The following PCNX1 variants were observed in gnomAD, a reference collection of about 807,000 sequenced individuals.
PCNX1 encodes the protein pecanex 1.
A neutral mutation model predicts 242.2 loss-of-function variants in PCNX1; 78 were observed. That is an observed-to-expected ratio of 0.32 (90% confidence interval 0.27 to 0.39). The LOEUF (loss-of-function observed/expected upper bound fraction) is 0.39, where lower values mean the gene tolerates loss of function less well. Among genes scored for constraint, PCNX1 ranks in the 10% least tolerant of loss-of-function variants. PCNX1 has a pLI of 1.00. For missense variants in PCNX1, 2,581 were observed against 2,856.5 expected, an observed-to-expected ratio of 0.90 and a Z score of 2.20; for synonymous variants, 1,024 against 1,032.9, an observed-to-expected ratio of 0.99 and a Z score of 0.17.
Position 71,026,796 on chromosome 14 carries a change from T to A in PCNX1, c.3380T>A (p.Val1127Glu), listed in dbSNP as rs775223022. ...VIVFTLCFPI[V>E]FFIGLLPQVN... ...GTGTTTACACTCTGTTTCCCAATAG[T>A]GTTTTTCATTGGTCTCCTGCCTCAG... Residue 1127 changes from valine (V) to glutamate (E), a missense_variant, in exon 15 of 36, where the codon GTG (valine) becomes GAG (glutamate). Val to Glu is a moderately radical substitution (Grantham distance 121). Around this residue, in one of 9 missense-constraint regions of PCNX1, gnomAD observed 432 missense variants for 443.1 expected, o/e 0.97. Coordinates refer to ENST00000304743, the MANE Select transcript of PCNX1 (RefSeq NM_014982.3). 2.6e-6 allele frequency: 4 copies of A among 1,521,010 alleles called. No homozygotes were observed. Among genetic ancestry groups the A allele is most frequent in the Non-Finnish European group, 2.7e-6 (3 of 1,097,010 alleles). 94.2% of individuals were successfully genotyped at this position (1,521,010 alleles called of 1,614,324 possible).
intron 3 of PCNX1, among the ~76,000 whole-genome samples, chr14:70,967,833 C>T (rs1395086197): frequency 6.6e-6 from 1 of 152,150 alleles, no homozygotes; most frequent in Admixed American, 6.5e-5. Context: ...TTCAGGTAGA[C>T]ATAAAGCCTG....
chr14:71,046,530 A>G (rs564383366), intron 20 of PCNX1, among the ~76,000 whole-genome samples: 15 of 152,186 alleles, frequency 9.9e-5, no homozygotes, highest in African/African-American at 3.4e-4. Flanking sequence ...CTTTTAGTTT[A>G]TCCTAGACAC....
At chr14:70,969,608 T>C (rs1457608723) in intron 5 of PCNX1, among the ~76,000 whole-genome samples, 1 of 152,174 alleles carries the variant, frequency 6.6e-6, no homozygotes, top group Admixed American at 6.5e-5. Context: ...TTTTTTGGAA[T>C]TACAGTACCC....
chr14:70,989,290 A>G (rs183375151), intron 7 of PCNX1, among the ~76,000 whole-genome samples: 2 of 151,636 alleles, frequency 1.3e-5, no homozygotes, highest in Admixed American at 6.6e-5. Context: ...ATATTTATAT[A>G]TATTTATTAA....
chr14:71,003,781 T>C (rs565256555), intron 8 of PCNX1, among the ~76,000 whole-genome samples: 2 of 152,360 alleles, frequency 1.3e-5, no homozygotes, highest in South Asian at 2.1e-4. Flanking sequence ...ATCTCACTTA[T>C]AGTTGCCAAG....
At chr14:70,968,393 G>A (rs544378745) in intron 4 of PCNX1, 150 bp downstream of exon 4, 148 of 548,646 alleles carry the variant, frequency 2.7e-4, no homozygotes, top group Non-Finnish European at 3.9e-4. Flanking sequence ...TTAAAGGTTG[G>A]TTGACTTAAA....
At chr14:71,067,571 A>AT (rs961962053) in intron 26 of PCNX1, among the ~76,000 whole-genome samples, 2 of 151,704 alleles carry the variant, frequency 1.3e-5, no homozygotes, top group Admixed American at 6.6e-5. Context: ...AGCTTCATTG[A>AT]TTTTTTTGAA....
At chr14:70,986,216 T>C (rs895989030) in intron 6 of PCNX1, among the ~76,000 whole-genome samples, 2 of 152,248 alleles carry the variant, frequency 1.3e-5, no homozygotes, top group African/African-American at 4.8e-5. Flanking sequence ...TGTGTGATAC[T>C]GTTAAAGCAG....
chr14:70,978,674 C>T, intron 6 of PCNX1, 26 bp downstream of exon 6: 1 of 1,565,210 alleles, frequency 6.4e-7, no homozygotes, highest in East Asian at 2.2e-5. Context: ...GAAGAGATTT[C>T]TGTAAGACTC....
intron 1 of PCNX1, among the ~76,000 whole-genome samples, chr14:70,908,883 T>TA (rs2139971507): frequency 6.6e-6 from 1 of 152,360 alleles, no homozygotes; most frequent in African/African-American, 2.4e-5. Flanking sequence ...TGAAAGTTGT[T>TA]AAGCGCAGTT....
intron 2 of PCNX1, among the ~76,000 whole-genome samples, chr14:70,952,752 C>G (rs2057837382): frequency 6.6e-6 from 1 of 151,912 alleles, no homozygotes; most frequent in Admixed American, 6.6e-5. Flanking sequence ...TGTTTTTTGT[C>G]TTGTGGTACA....
At chr14:70,940,328 A>T (rs2057184883) in intron 1 of PCNX1, among the ~76,000 whole-genome samples, 1 of 151,938 alleles carries the variant, frequency 6.6e-6, no homozygotes, top group Non-Finnish European at 1.5e-5. Context: ...AGGCCTGGTG[A>T]CAAAATCTCT....
At chr14:71,064,332 G>A (rs890928051) in intron 26 of PCNX1, among the ~76,000 whole-genome samples, 2 of 152,080 alleles carry the variant, frequency 1.3e-5, no homozygotes, top group African/African-American at 4.8e-5. Context: ...CATATTGGGT[G>A]GAAATAGTCA....
chr14:71,051,643 C>T (rs1374156300), intron 23 of PCNX1, among the ~76,000 whole-genome samples: 1 of 152,144 alleles, frequency 6.6e-6, no homozygotes, highest in Non-Finnish European at 1.5e-5. Context: ...TTACCAAATA[C>T]ATATTAGCAA....
chr14:71,010,025 G>T (rs1410121906), intron 9 of PCNX1, among the ~76,000 whole-genome samples: 1 of 151,998 alleles, frequency 6.6e-6, no homozygotes, highest in Admixed American at 6.5e-5. Flanking sequence ...GTTGTTAATT[G>T]TAGTCACCAG....
intron 2 of PCNX1, among the ~76,000 whole-genome samples, chr14:70,956,077 G>T (rs1433442926): frequency 1.3e-5 from 2 of 152,034 alleles, no homozygotes; most frequent in Admixed American, 6.6e-5. Flanking sequence ...CATCTAGTGG[G>T]TAAAGGCCAG....
intron 1 of PCNX1, among the ~76,000 whole-genome samples, chr14:70,933,174 C>G (rs148317190): frequency 6.6e-6 from 1 of 152,274 alleles, no homozygotes; most frequent in East Asian, 1.9e-4. Flanking sequence ...TGATTTCATA[C>G]ATGATGAAAG....
At chr14:71,068,958 G>T (rs1490182640) in intron 26 of PCNX1, among the ~76,000 whole-genome samples, 1 of 152,060 alleles carries the variant, frequency 6.6e-6, no homozygotes, top group African/African-American at 2.4e-5. Context: ...TCACACTGCT[G>T]ATAAACACGT....
chr14:70,932,328 G>C (rs977279802), intron 1 of PCNX1, among the ~76,000 whole-genome samples: 3 of 152,084 alleles, frequency 2.0e-5, no homozygotes, highest in Admixed American at 6.5e-5. Context: ...AAAACATCTA[G>C]TACAAGGAGA....
Sources: allele counts gnomAD v4.1 joint callset (sites outside exome capture counted in the v4.1 genomes callset), GRCh38; gene constraint gnomAD v4.1.1; regional missense constraint gnomAD v4.1.1; transcripts MANE v1.5; gene names NCBI Gene and HGNC (gene_info 2026-07-23, HGNC 2026-07-21).